The following HMCN1 variants were observed in gnomAD, a reference collection of about 807,000 sequenced individuals.
The protein encoded by HMCN1 is hemicentin-1.
A neutral mutation model predicts 625.9 loss-of-function variants in HMCN1; 321 were observed. The ratio of observed to expected loss-of-function variants is 0.51; its 90% CI spans 0.47 to 0.56. HMCN1 has a LOEUF of 0.56. Ranked by LOEUF, HMCN1 falls within the 20% of genes least tolerant of loss-of-function variation. The pLI is 0.00. For missense variants in HMCN1, 6,588 were observed against 6,887.3 expected, an observed-to-expected ratio of 0.96 and a Z score of 1.54; for synonymous variants, 2,425 against 2,417.6, an observed-to-expected ratio of 1.00 and a Z score of -0.09.
chr1:186,186,931 C>T (rs1053759742), intron 105 of HMCN1, among the ~76,000 whole-genome samples: 1 of 151,358 alleles, frequency 6.6e-6, no homozygotes, highest in African/African-American at 2.4e-5. Flanking sequence ...TTGTATTGAA[C>T]TCCATGGACC....
intron 11 of HMCN1, among the ~76,000 whole-genome samples, chr1:185,954,068 C>T (rs1490313532): frequency 6.6e-6 from 1 of 151,530 alleles, no homozygotes; most frequent in Non-Finnish European, 1.5e-5. Context: ...GCCATTTACA[C>T]TTCTTTTGTG....
chr1:185,902,202 C>G (rs1251746586), intron 4 of HMCN1, among the ~76,000 whole-genome samples: 1 of 151,402 alleles, frequency 6.6e-6, no homozygotes, highest in Admixed American at 6.6e-5. Flanking sequence ...TCTAACTTAT[C>G]TATTTTAAAT....
At chr1:185,932,791 T>G (rs2102494865) in intron 10 of HMCN1, among the ~76,000 whole-genome samples, 1 of 152,182 alleles carries the variant, frequency 6.6e-6, no homozygotes. Context: ...GGCACACGTA[T>G]ACCTATGTGA....
chr1:186,172,097 T>C lies in HMCN1; in HGVS notation c.15780T>C (p.Asn5260=). The change falls in exon 102 of 107, where the codon AAT becomes AAC. Residue 5260 remains asparagine (N), a synonymous_variant. Coordinates refer to ENST00000271588, the MANE Select transcript of HMCN1 (RefSeq NM_031935.3). The part of the protein sequence containing the change: ...GGYKCIDLCP[N]GMTKAENGTC... ...ATAAGTGCATTGATCTTTGTCCAAATGGAATGACCAAGGCAGAAAATGGAA... is the reference window on the plus strand; with the variant it reads ...ATAAGTGCATTGATCTTTGTCCAAACGGAATGACCAAGGCAGAAAATGGAA... 6.2e-7 allele frequency: 1 copy of C among 1,613,884 alleles called. No homozygotes were observed. Among genetic ancestry groups the C allele is most frequent in the Non-Finnish European group, 8.5e-7 (1 of 1,179,792 alleles).
intron 4 of HMCN1, among the ~76,000 whole-genome samples, chr1:185,885,516 CGT>C (rs1491385638): frequency 1.3e-5 from 2 of 148,838 alleles, no homozygotes; most frequent in African/African-American, 5.1e-5. Flanking sequence ...AATTTCCTGA[CGT>C]TTTTTTTTTT....
chr1:186,083,215 A>C (rs1017668933), intron 57 of HMCN1, among the ~76,000 whole-genome samples: 1 of 152,126 alleles, frequency 6.6e-6, no homozygotes, highest in Non-Finnish European at 1.5e-5. Flanking sequence ...ATTTGAAAGG[A>C]AAATCAGAAT....
chr1:186,018,087 G>A, intron 33 of HMCN1, 96 bp from the exon 34 acceptor site: 1 of 1,139,400 alleles, frequency 8.8e-7, no homozygotes, highest in South Asian at 1.3e-5. Flanking sequence ...AAGCAACTAG[G>A]AAATTGGACA....
Position 185,859,311 on chromosome 1 carries a change from C to T in HMCN1, c.340-5159C>T, listed in dbSNP as rs576647141. ...AGACTTAATCAAAGCAACAACCTTA[C>T]AATTAACAGTCTAAAATTAAGTCTA... On this transcript the variant is annotated intron_variant, in intron 2 of 106. Coordinates refer to ENST00000271588, the MANE Select transcript of HMCN1 (RefSeq NM_031935.3). Among the ~76,000 whole-genome samples, 112 of 152,170 alleles carry T rather than the reference C, an allele frequency of 7.4e-4. 2 individuals carry two copies. Among genetic ancestry groups the T allele is most frequent in the African/African-American group, 2.7e-3 (111 of 41,540 alleles).
intron 1 of HMCN1, among the ~76,000 whole-genome samples, chr1:185,781,475 G>A (rs1657098282): frequency 6.6e-6 from 1 of 152,060 alleles, no homozygotes; most frequent in South Asian, 2.1e-4. Context: ...GCTTTCTCTT[G>A]TGGGCATTTA....
intron 1 of HMCN1, among the ~76,000 whole-genome samples, chr1:185,816,148 CT>C (rs1659835027): frequency 7.1e-6 from 1 of 140,458 alleles, no homozygotes; most frequent in African/African-American, 3.3e-5. Flanking sequence ...CATGGAATTT[CT>C]CACTCACTAT....
chr1:185,837,449 T>C (rs1316129801), intron 1 of HMCN1, among the ~76,000 whole-genome samples: 1 of 152,106 alleles, frequency 6.6e-6, no homozygotes, highest in Non-Finnish European at 1.5e-5. Context: ...ATTTTTTTCT[T>C]ATGAAGTTGA....
intron 1 of HMCN1, among the ~76,000 whole-genome samples, chr1:185,741,045 C>T (rs1295072672): frequency 6.6e-6 from 1 of 151,992 alleles, no homozygotes; most frequent in Non-Finnish European, 1.5e-5. Flanking sequence ...AAGAGTCTGG[C>T]TTCCTTGGTT....
At chr1:185,783,412 G>C (rs1657293594) in intron 1 of HMCN1, among the ~76,000 whole-genome samples, 1 of 152,172 alleles carries the variant, frequency 6.6e-6, no homozygotes, top group Non-Finnish European at 1.5e-5. Context: ...TTTGGAGGGG[G>C]AGAGGTGCTC....
rs970763390 is a variant in HMCN1 at position 185,962,453 on chromosome 1, C to T, written c.1829-65C>T. 8 of 1,343,716 alleles carry T rather than the reference C, an allele frequency of 6.0e-6. No individual in the cohort carries two copies. The Admixed American group carries it at 1.0e-4, about 17-fold the overall frequency. The allele number at this position is 1,343,716 out of a possible 1,614,324, so 83.2% of individuals were successfully genotyped here. On this transcript the variant is annotated intron_variant, in intron 11 of 106. Coordinates refer to ENST00000271588, the MANE Select transcript of HMCN1 (RefSeq NM_031935.3). ...GGTGAGAAACCTACAAATCTGCTAACATAGGAAGCTTCTAACATCAAGATA... is the reference window on the plus strand; with the variant it reads ...GGTGAGAAACCTACAAATCTGCTAATATAGGAAGCTTCTAACATCAAGATA...
Position 186,015,328 on chromosome 1 carries a change from A to C in HMCN1, c.4800A>C (p.Gly1600=), listed in dbSNP as rs776231287. ...CACAAGCACTTTATATTGATAAAGG[A>C]CAATATCTTCATATTCCTCGAGCAC... is the stretch of plus-strand genomic sequence containing the variant. The part of the protein sequence containing the change: ...SSSQALYIDK[G]QYLHIPRAQV... Residue 1600 remains glycine, a synonymous_variant, in exon 31 of 107, where the codon GGA becomes GGC. Transcript: ENST00000271588. The C allele has an allele frequency of 9.3e-6, 15 of 1,613,608 alleles. No homozygotes were observed. Among genetic ancestry groups the C allele is most frequent in the Non-Finnish European group, 1.3e-5 (15 of 1,179,730 alleles).
chr1:186,122,368 G>T, intron 80 of HMCN1, among the ~76,000 whole-genome samples: 1 of 152,140 alleles, frequency 6.6e-6, no homozygotes, highest in African/African-American at 2.4e-5. Flanking sequence ...TCAGCCTATT[G>T]TAAACACTTG....
At chr1:186,148,986 A>G (rs1650506704) in intron 93 of HMCN1, among the ~76,000 whole-genome samples, 1 of 151,826 alleles carries the variant, frequency 6.6e-6, no homozygotes, top group Non-Finnish European at 1.5e-5. Context: ...AAATAGGCTT[A>G]AAACATTAAG....
chr1:186,173,656 G>GA (rs1652376289), intron 102 of HMCN1, among the ~76,000 whole-genome samples: 2 of 90,666 alleles, frequency 2.2e-5, no homozygotes, highest in African/African-American at 4.6e-5. Flanking sequence ...AAAAAAAAAA[G>GA]AAAAAAGAAA....
rs79695264 is a variant in HMCN1 at position 186,188,959 on chromosome 1, A to T, written c.16542-553A>T. ...TAAAAGTCATCATGACTCAAAAAGCAGTCAGTGTGCACTCTGGTAAAAGAA... is the reference window on the plus strand; with the variant it reads ...TAAAAGTCATCATGACTCAAAAAGCTGTCAGTGTGCACTCTGGTAAAAGAA... On this transcript the variant is annotated intron_variant, in intron 106 of 106. Transcript: ENST00000271588. 8.7e-3 allele frequency among the ~76,000 whole-genome samples: 1,331 copies of T among 152,314 alleles called. 21 individuals carry two copies. The highest frequency in any genetic ancestry group is 0.031 in the African/African-American group (1,277 of 41,568).
Sources: gnomAD v4.1 joint callset for allele counts (sites outside exome capture counted in the v4.1 genomes callset) on GRCh38, gnomAD v4.1.1 for gene constraint, MANE v1.5 for transcripts, NCBI Gene and HGNC (gene_info 2026-07-23, HGNC 2026-07-21) for gene names.